The following FAAH2 variants were observed in gnomAD, a reference collection of about 807,000 sequenced individuals.
The protein encoded by FAAH2 is fatty acid amide hydrolase 2.
In FAAH2, 60 loss-of-function variants were observed where a neutral mutation model predicts 36.9. The ratio of observed to expected loss-of-function variants is 1.63; its 90% CI spans 1.32 to 2.02. The LOEUF (loss-of-function observed/expected upper bound fraction) is 2.02. Ranked by LOEUF, FAAH2 falls within the 30% of genes most tolerant of loss-of-function variation. The probability of loss-of-function intolerance (pLI) is 0.00; values close to 1 mark genes in which losing one functional copy is unlikely to be tolerated. For missense variants in FAAH2, 689 were observed against 397.5 expected, an observed-to-expected ratio of 1.73 and a Z score of -6.23; for synonymous variants, 214 against 143.8, an observed-to-expected ratio of 1.49 and a Z score of -3.49.
intron 1 of FAAH2, among the ~76,000 whole-genome samples, chrX:57,291,588 T>C (rs1403753011): frequency 1.8e-5 from 2 of 112,069 alleles, no homozygotes; most frequent in Non-Finnish European, 3.8e-5. Flanking sequence ...TTTAATCCTT[T>C]TCACTTGATG....
chrX:57,385,756 A>T (rs2055004279), intron 7 of FAAH2, among the ~76,000 whole-genome samples: 1 of 110,946 alleles, frequency 9.0e-6, no homozygotes, highest in East Asian at 2.9e-4. Flanking sequence ...AAAATACAAA[A>T]AATTAGCCGG....
intron 8 of FAAH2, among the ~76,000 whole-genome samples, chrX:57,433,054 C>A (rs1210755859): frequency 9.1e-6 from 1 of 110,198 alleles, no homozygotes; most frequent in Non-Finnish European, 1.9e-5. Flanking sequence ...CAGAACAAAA[C>A]GTTTATACAA....
chrX:57,299,637 A>T (rs1602197208), intron 2 of FAAH2, among the ~76,000 whole-genome samples: 1 of 112,112 alleles, frequency 8.9e-6, no homozygotes, highest in Non-Finnish European at 1.9e-5. Context: ...AATAAAGGAC[A>T]TTCAATTAGG....
chrX:57,137,298 G>C, the FAAH2 span: 1 of 759,819 alleles, frequency 1.3e-6, no homozygotes, highest in Non-Finnish European at 1.6e-6. Flanking sequence ...GGCGAAGGAG[G>C]GTCAACAGGC....
At chrX:57,296,606 T>A (rs903579034) in intron 2 of FAAH2, among the ~76,000 whole-genome samples, 2 of 111,966 alleles carry the variant, frequency 1.8e-5, no homozygotes, top group Non-Finnish European at 3.8e-5. Context: ...GGATGGAGAA[T>A]GACTTTCACG....
chrX:57,486,227 GACAA>G (rs1163202031), intron 10 of FAAH2, among the ~76,000 whole-genome samples: 2 of 111,594 alleles, frequency 1.8e-5, no homozygotes, highest in Non-Finnish European at 3.8e-5. Context: ...AGCCACCTGG[GACAA>G]GACACATTAG....
chrX:57,415,710 G>A (rs2055824703), intron 7 of FAAH2, among the ~76,000 whole-genome samples: 1 of 111,260 alleles, frequency 9.0e-6, no homozygotes, highest in African/African-American at 3.3e-5. Context: ...TGTTTATTTG[G>A]GGTGGAGAGT....
At chrX:57,221,114 C>G in the FAAH2 span, among the ~76,000 whole-genome samples, 1 of 111,126 alleles carries the variant, frequency 9.0e-6, no homozygotes, top group Non-Finnish European at 1.9e-5. Flanking sequence ...CCTCGAGTCC[C>G]CCCTCCACTT....
At chrX:57,325,342 T>A (rs2053180864) in intron 3 of FAAH2, among the ~76,000 whole-genome samples, 1 of 111,611 alleles carries the variant, frequency 9.0e-6, no homozygotes, top group Non-Finnish European at 1.9e-5. Context: ...ATCAGGATGA[T>A]GCTGGCCTCA....
chrX:57,420,267 G>A (rs1216395197), intron 7 of FAAH2, among the ~76,000 whole-genome samples: 2 of 111,660 alleles, frequency 1.8e-5, no homozygotes, highest in Non-Finnish European at 3.8e-5. Context: ...ACAGTCATTG[G>A]TAGCTTGATG....
At chrX:57,228,278 A>G in the FAAH2 span, among the ~76,000 whole-genome samples, 1 of 110,916 alleles carries the variant, frequency 9.0e-6, no homozygotes, top group East Asian at 2.8e-4. Flanking sequence ...GCCAGGCAGG[A>G]ATTGTCTGCT....
chrX:57,314,621 A>C (rs1206630751), intron 3 of FAAH2, among the ~76,000 whole-genome samples: 1 of 111,291 alleles, frequency 9.0e-6, no homozygotes, highest in Admixed American at 9.7e-5. Flanking sequence ...CTCATGAAAA[A>C]CTCCTAGATG....
At chrX:57,203,437 C>A in the FAAH2 span, among the ~76,000 whole-genome samples, 1 of 111,854 alleles carries the variant, frequency 8.9e-6, no homozygotes, top group Non-Finnish European at 1.9e-5. Flanking sequence ...GTGTCATGGC[C>A]ATCATGAACA....
intron 7 of FAAH2, chrX:57,392,725 T>C (rs2055195559): frequency 1.6e-6 from 1 of 610,387 alleles, no homozygotes; most frequent in Non-Finnish European, 2.8e-6. Flanking sequence ...TCCATTGTGC[T>C]CATCGTTCCT....
chrX:57,394,692 A>G (rs1464744252), intron 7 of FAAH2: 6 of 898,993 alleles, frequency 6.7e-6, no homozygotes, highest in Admixed American at 6.7e-5. Flanking sequence ...TTTTTTTATC[A>G]TCTGGGACAT....
At chrX:57,316,771 T>G (rs1294044285) in intron 3 of FAAH2, among the ~76,000 whole-genome samples, 1 of 111,231 alleles carries the variant, frequency 9.0e-6, no homozygotes, top group Non-Finnish European at 1.9e-5. Context: ...CTAAAAAAGT[T>G]GAGATGAAAA....
At chrX:57,227,927 A>C in the FAAH2 span, among the ~76,000 whole-genome samples, 1 of 111,290 alleles carries the variant, frequency 9.0e-6, no homozygotes, top group Non-Finnish European at 1.9e-5. Flanking sequence ...GAAGTGGGGT[A>C]AAGCTGGTAG....
chrX:57,181,824 A>G, the FAAH2 span, among the ~76,000 whole-genome samples: 1 of 112,006 alleles, frequency 8.9e-6, no homozygotes, highest in East Asian at 2.8e-4. Flanking sequence ...CCAACTTCAA[A>G]CTATACTATA....
At chrX:57,449,521 G>C (rs184095759) in intron 10 of FAAH2, among the ~76,000 whole-genome samples, 1 of 111,657 alleles carries the variant, frequency 9.0e-6, no homozygotes, top group East Asian at 2.8e-4. Context: ...GAAATAATAC[G>C]TGTAAATTAA....
Sources: gnomAD v4.1 joint callset for allele counts (sites outside exome capture counted in the v4.1 genomes callset) on GRCh38, gnomAD v4.1.1 for gene constraint, MANE v1.5 for transcripts, NCBI Gene and HGNC (gene_info 2026-07-23, HGNC 2026-07-21) for gene names.